CNTNAP4: variants seen among roughly 807,000 people sequenced by gnomAD.
CNTNAP4 encodes the protein contactin associated protein family member 4.
A neutral mutation model predicts 148.4 loss-of-function variants in CNTNAP4; 98 were observed. That is an observed-to-expected ratio of 0.66 (90% CI 0.56 to 0.78). The LOEUF is 0.78. CNTNAP4 is among the 30% of genes least tolerant of loss of function. The pLI is 0.00. For synonymous variants in CNTNAP4, 730 were observed against 565.1 expected (o/e 1.29, Z -4.14); for missense variants, 1,935 against 1,565.6 (o/e 1.24, Z -3.98).
chr16:76,307,129 C>A (rs1960560165), intron 1 of CNTNAP4, among the ~76,000 whole-genome samples: 1 of 151,972 alleles, frequency 6.6e-6, no homozygotes, highest in African/African-American at 2.4e-5. Context: ...TAAAGATGAA[C>A]ATAAAAACAG....
At chr16:76,401,746 C>G (rs1381973534) in intron 3 of CNTNAP4, among the ~76,000 whole-genome samples, 1 of 152,098 alleles carries the variant, frequency 6.6e-6, no homozygotes, top group Non-Finnish European at 1.5e-5. Flanking sequence ...GATTTTTTAA[C>G]TTGAAAGGAT....
intron 2 of CNTNAP4, among the ~76,000 whole-genome samples, chr16:76,342,456 T>C (rs1181886628): frequency 6.7e-6 from 1 of 149,920 alleles, no homozygotes; most frequent in Non-Finnish European, 1.5e-5. Context: ...AATTATAAAT[T>C]GCTAATTTCT....
intron 3 of CNTNAP4, among the ~76,000 whole-genome samples, chr16:76,409,802 T>C (rs369787060): frequency 8.6e-5 from 13 of 151,874 alleles, no homozygotes; most frequent in East Asian, 7.7e-4. Flanking sequence ...TCTAGTGGGG[T>C]GACTTGGATG....
intron 3 of CNTNAP4, among the ~76,000 whole-genome samples, chr16:76,364,233 CAAAAAAAAA>C (rs58589609): frequency 1.5e-4 from 7 of 48,182 alleles, no homozygotes; most frequent in South Asian, 1.1e-3. Flanking sequence ...GATTCCATCT[CAAAAAAAAA>C]AAAAAAAAAA....
At chr16:76,485,076 G>A (rs1029539151) in intron 12 of CNTNAP4, among the ~76,000 whole-genome samples, 1 of 152,078 alleles carries the variant, frequency 6.6e-6, no homozygotes, top group Non-Finnish European at 1.5e-5. Flanking sequence ...GTTAGAGTAA[G>A]GTGAATCCCA....
intron 21 of CNTNAP4, among the ~76,000 whole-genome samples, chr16:76,550,264 C>A (rs1423989392): frequency 6.6e-6 from 1 of 152,042 alleles, no homozygotes; most frequent in South Asian, 2.1e-4. Context: ...GTTTTTGTTT[C>A]TATGTTTATT....
intron 21 of CNTNAP4, 99 bp from the exon 22 acceptor site, chr16:76,553,184 C>A: frequency 1.6e-6 from 1 of 631,710 alleles, no homozygotes; most frequent in South Asian, 2.5e-5. Context: ...AATTTAGTAA[C>A]TTTATTGCTA....
At chr16:76,433,290 A>G (rs961830434) in intron 4 of CNTNAP4, among the ~76,000 whole-genome samples, 4 of 152,212 alleles carry the variant, frequency 2.6e-5, no homozygotes, top group Admixed American at 2.0e-4. Flanking sequence ...TTAGCCTACC[A>G]GGAGAACTGA....
chr16:76,475,315 T>G (rs373504610), intron 10 of CNTNAP4, among the ~76,000 whole-genome samples: 49 of 152,344 alleles, frequency 3.2e-4, no homozygotes, highest in African/African-American at 1.1e-3. Context: ...TATAATGATC[T>G]AATGTTGAAA....
chr16:76,456,411 G>C (rs759495300), intron 8 of CNTNAP4, among the ~76,000 whole-genome samples: 6 of 152,232 alleles, frequency 3.9e-5, no homozygotes, highest in Non-Finnish European at 7.3e-5. Context: ...GGCTAAAGTT[G>C]TAATTGGTAA....
chr16:76,320,591 T>C (rs151006570), intron 2 of CNTNAP4, among the ~76,000 whole-genome samples: 110 of 152,270 alleles, frequency 7.2e-4, no homozygotes, highest in Middle Eastern at 3.4e-3. Flanking sequence ...TGCATAGTAT[T>C]GTCATTGTTG....
intron 4 of CNTNAP4, among the ~76,000 whole-genome samples, chr16:76,439,674 G>A (rs1263798245): frequency 6.6e-6 from 1 of 152,150 alleles, no homozygotes; most frequent in Non-Finnish European, 1.5e-5. Context: ...CTGCTGGTGT[G>A]TTGTTACTGA....
At chr16:76,312,901 T>G (rs1961292413) in intron 1 of CNTNAP4, among the ~76,000 whole-genome samples, 1 of 152,188 alleles carries the variant, frequency 6.6e-6, no homozygotes. Flanking sequence ...TCTCTAAATG[T>G]GTCTTAGTTA....
At chr16:76,554,108 C>CA (rs1307018513) in intron 23 of CNTNAP4, among the ~76,000 whole-genome samples, 2 of 152,126 alleles carry the variant, frequency 1.3e-5, no homozygotes, top group African/African-American at 4.8e-5. Flanking sequence ...TGGAGATTTT[C>CA]AGTATAAATA....
chr16:76,487,317 C>T (rs1394250152), intron 12 of CNTNAP4, among the ~76,000 whole-genome samples: 1 of 152,146 alleles, frequency 6.6e-6, no homozygotes, highest in Non-Finnish European at 1.5e-5. Context: ...TCTATCAAGC[C>T]TTGTGCTGTG....
chr16:76,443,165 C>A (rs1354779201), intron 4 of CNTNAP4, among the ~76,000 whole-genome samples: 1 of 151,984 alleles, frequency 6.6e-6, no homozygotes, highest in African/African-American at 2.4e-5. Context: ...TATAAAACCT[C>A]AGTTAATAAG....
rs139408599 is a variant in CNTNAP4 at position 76,476,015 on chromosome 16, A to G, written c.1732A>G (p.Thr578Ala). Residue 578 changes from threonine (T) to alanine (A), a missense_variant, in exon 11 of 24, where the codon ACT becomes GCT. By Grantham distance (58) the Thr-to-Ala change is moderately conservative (BLOSUM62 0). Transcript: ENST00000611870. ...WSTFHCNCTN[T>A]GYRGATCHNS... ...CACCTTTCATTGTAACTGTACCAAC[A>G]CTGGTTACAGAGGAGCTACTTGCCA... 114 of 1,613,348 alleles carry G rather than the reference A, an allele frequency of 7.1e-5. No individual in the cohort carries two copies. In the African/African-American group the frequency reaches 1.3e-3, roughly 18 times the overall value.
intron 2 of CNTNAP4, among the ~76,000 whole-genome samples, chr16:76,327,603 T>C (rs1963120549): frequency 6.6e-6 from 1 of 152,188 alleles, no homozygotes; most frequent in Non-Finnish European, 1.5e-5. Flanking sequence ...ACAGGTGTGA[T>C]AGGGTCTCAT....
Position 76,558,824 on chromosome 16 carries a change from G to A in CNTNAP4, c.*141G>A, listed in dbSNP as rs1568648711. On this transcript the variant is annotated 3_prime_UTR_variant, in exon 24 of 24. Transcript: ENST00000611870. ...CCATCTTGCCATGTACAGGCTTGGGGTGGCTCCAGGAAGCCTCGTCCAGTG... is the reference window on the plus strand; with the variant it reads ...CCATCTTGCCATGTACAGGCTTGGGATGGCTCCAGGAAGCCTCGTCCAGTG... 1.7e-6 allele frequency: 1 copy of A among 581,130 alleles called. No homozygotes were observed. The highest frequency in any genetic ancestry group is 3.0e-5 in the East Asian group (1 of 33,588). The allele number at this position is 581,130 out of a possible 1,614,324, so 36.0% of individuals were successfully genotyped here.
Sources: gnomAD v4.1 joint callset for allele counts (sites outside exome capture counted in the v4.1 genomes callset) on GRCh38, gnomAD v4.1.1 for gene constraint, MANE v1.5 for transcripts, NCBI Gene and HGNC (gene_info 2026-07-23, HGNC 2026-07-21) for gene names.